RYR3: variants seen among roughly 807,000 people sequenced by gnomAD.
RYR3 encodes ryanodine receptor 3, also known as brain ryanodine receptor-calcium release channel.
A neutral mutation model predicts 584.3 loss-of-function variants in RYR3; 207 were observed. The ratio of observed to expected loss-of-function variants is 0.35; its 90% CI spans 0.32 to 0.40. The LOEUF is 0.40. RYR3 is among the 10% of genes least tolerant of loss of function. The pLI, the probability that RYR3 is intolerant of heterozygous loss-of-function variation, is 1.00. For missense variants in RYR3, 5,616 were observed against 6,089.2 expected, an observed-to-expected ratio of 0.92 and a Z score of 2.59; for synonymous variants, 2,416 against 2,248.5, an observed-to-expected ratio of 1.07 and a Z score of -2.11.
At chr15:33,625,523 C>G (rs754545728) in intron 20 of RYR3, among the ~76,000 whole-genome samples, 1 of 152,030 alleles carries the variant, frequency 6.6e-6, no homozygotes, top group African/African-American at 2.4e-5. Flanking sequence ...TTTCTTCTAC[C>G]CTCCTAGGTT....
intron 16 of RYR3, among the ~76,000 whole-genome samples, chr15:33,590,897 C>T (rs929492377): frequency 6.6e-6 from 1 of 152,136 alleles, no homozygotes; most frequent in African/African-American, 2.4e-5. Flanking sequence ...TATACCTTTA[C>T]TTCTTTGCTA....
At chr15:33,506,618 A>G (rs2052504241) in intron 3 of RYR3, among the ~76,000 whole-genome samples, 1 of 152,166 alleles carries the variant, frequency 6.6e-6, no homozygotes, top group Admixed American at 6.5e-5. Context: ...ACAGATGGGA[A>G]GGTACTTTTT....
chr15:33,638,870 GAC>G (rs869232630), intron 27 of RYR3, among the ~76,000 whole-genome samples: 6 of 52,670 alleles, frequency 1.1e-4, no homozygotes, highest in African/African-American at 2.0e-4. Context: ...GGCTAGTCCT[GAC>G]AGGGGATGTA....
At chr15:33,453,175 A>G (rs2047269904) in intron 1 of RYR3, among the ~76,000 whole-genome samples, 1 of 152,230 alleles carries the variant, frequency 6.6e-6, no homozygotes, top group Non-Finnish European at 1.5e-5. Flanking sequence ...CCTTTATTAA[A>G]TCATCCATTT....
intron 10 of RYR3, among the ~76,000 whole-genome samples, chr15:33,559,479 G>A (rs919218735): frequency 6.6e-6 from 1 of 152,276 alleles, no homozygotes; most frequent in East Asian, 1.9e-4. Flanking sequence ...CAGACAAGGG[G>A]CAGAAGCAAG....
Position 33,431,401 on chromosome 15 carries a change from A to G in RYR3, c.52-42018A>G, listed in dbSNP as rs140484128. Among the ~76,000 whole-genome samples the G allele has an allele frequency of 3.3e-4, 51 of 152,314 alleles. No individual in the cohort carries two copies. The East Asian group carries it at 5.2e-3, about 16-fold the overall frequency. On this transcript the variant is annotated intron_variant, in intron 1 of 103. Transcript: ENST00000634891. Reference sequence around the variant, plus strand: ...CAGCTACATTTATGTACAATCATACATATAAGTGTGTGTATATGTATGTAT... The same window carrying G: ...CAGCTACATTTATGTACAATCATACGTATAAGTGTGTGTATATGTATGTAT...
chr15:33,333,215 G>T (rs1970574228), intron 1 of RYR3, among the ~76,000 whole-genome samples: 1 of 152,008 alleles, frequency 6.6e-6, no homozygotes, highest in Non-Finnish European at 1.5e-5. Context: ...ATTCTATGAG[G>T]CCAGCATCAT....
At chr15:33,375,055 G>T (rs1269789026) in intron 1 of RYR3, among the ~76,000 whole-genome samples, 4 of 152,172 alleles carry the variant, frequency 2.6e-5, no homozygotes, top group Admixed American at 6.5e-5. Flanking sequence ...GTCTAGTGGA[G>T]AGTATCCAGC....
chr15:33,835,167 A>C (rs1596904072), intron 87 of RYR3, 95 bp downstream of exon 87: 3 of 971,860 alleles, frequency 3.1e-6, no homozygotes, highest in African/African-American at 1.6e-5. Context: ...CTGCTTGATC[A>C]AAGGCTGGAC....
intron 60 of RYR3, among the ~76,000 whole-genome samples, chr15:33,759,895 G>T (rs2072256753): frequency 6.6e-6 from 1 of 152,084 alleles, no homozygotes; most frequent in East Asian, 1.9e-4. Context: ...CAGAGAGAAA[G>T]GTAGGGTTAC....
At chr15:33,341,930 C>T (rs1241117686) in intron 1 of RYR3, among the ~76,000 whole-genome samples, 2 of 152,066 alleles carry the variant, frequency 1.3e-5, no homozygotes, top group Admixed American at 6.5e-5. Context: ...AACTGAGGCT[C>T]GAGGGTGACC....
At chr15:33,562,054 C>G (rs1218901663) in intron 10 of RYR3, among the ~76,000 whole-genome samples, 2 of 152,128 alleles carry the variant, frequency 1.3e-5, no homozygotes, top group Admixed American at 1.3e-4. Context: ...AGGGTATAAC[C>G]ATTCAGAATA....
intron 87 of RYR3, among the ~76,000 whole-genome samples, chr15:33,836,634 C>A (rs2078071499): frequency 6.6e-6 from 1 of 152,154 alleles, no homozygotes; most frequent in Non-Finnish European, 1.5e-5. Context: ...GGTTGTTCAG[C>A]CGTTTTGGAC....
intron 1 of RYR3, among the ~76,000 whole-genome samples, chr15:33,410,408 C>T (rs8028564): frequency 0.016 from 2,414 of 152,272 alleles, 65 homozygotes; most frequent in African/African-American, 0.055. Context: ...TTATTCACTA[C>T]GTGTCAAGAT....
intron 3 of RYR3, among the ~76,000 whole-genome samples, chr15:33,509,376 C>T (rs2052764199): frequency 6.6e-6 from 1 of 152,126 alleles, no homozygotes; most frequent in Non-Finnish European, 1.5e-5. Flanking sequence ...GGGGAACCAC[C>T]ACCATCCAGA....
rs2077256598 is a variant in RYR3, at chr15:33,824,164, T to TAA, written c.11072+1094_11072+1095dup. ...AGGCAACTCAATTCCATATTGCTCA[T>TAA]AAAGTTATCCATTTACTTTCTAACA... On this transcript the variant is annotated intron_variant, in intron 81 of 103. Transcript: ENST00000634891. Among the ~76,000 whole-genome samples the TAA allele has an allele frequency of 3.3e-5, 5 of 152,326 alleles. No individual in the cohort carries two copies. The South Asian group carries it at 1.0e-3, about 32-fold the overall frequency.
intron 2 of RYR3, among the ~76,000 whole-genome samples, chr15:33,483,206 A>G (rs1321760161): frequency 6.6e-6 from 1 of 151,738 alleles, no homozygotes; most frequent in Non-Finnish European, 1.5e-5. Flanking sequence ...CTCTTCTCCC[A>G]TTATTCCCAT....
At chr15:33,864,087 T>C (rs1473261372) in intron 102 of RYR3, 51 bp from the exon 103 acceptor site, 1 of 1,392,632 alleles carries the variant, frequency 7.2e-7, no homozygotes, top group Non-Finnish European at 1.0e-6. Context: ...TCCATGCGAA[T>C]GAACTTGGGT....
chr15:33,377,303 A>G (rs1418041363), intron 1 of RYR3, among the ~76,000 whole-genome samples: 1 of 152,204 alleles, frequency 6.6e-6, no homozygotes, highest in African/African-American at 2.4e-5. Flanking sequence ...ACAATGACGC[A>G]GACACCCTGG....
Sources: gnomAD v4.1 joint callset for allele counts (sites outside exome capture counted in the v4.1 genomes callset) on GRCh38, gnomAD v4.1.1 for gene constraint, MANE v1.5 for transcripts, NCBI Gene and HGNC (gene_info 2026-07-23, HGNC 2026-07-21) for gene names.